Variants in GPC6 observed in about 807,000 individuals in gnomAD.
GPC6 encodes glypican 6, also known as glypican-6.
A neutral mutation model predicts 55.2 loss-of-function variants in GPC6; 14 were observed. The observed-to-expected ratio is 0.25, with a 90% CI of 0.17 to 0.40. GPC6 has a LOEUF of 0.40. Among genes scored for constraint, GPC6 ranks in the 10% least tolerant of loss-of-function variants. GPC6 has a pLI of 1.00. For missense variants in GPC6, 641 were observed against 708.5 expected (o/e 0.90, Z 1.08); for synonymous variants, 278 against 259.6 (o/e 1.07, Z -0.68).
intron 1 of GPC6, among the ~76,000 whole-genome samples, chr13:93,333,066 G>C (rs1246413055): frequency 6.6e-6 from 1 of 152,162 alleles, no homozygotes; most frequent in East Asian, 1.9e-4. Flanking sequence ...CTATGTGTCT[G>C]TTTTTATGCC....
At chr13:93,267,856 G>GA (rs1208525840) in intron 1 of GPC6, among the ~76,000 whole-genome samples, 2 of 152,152 alleles carry the variant, frequency 1.3e-5, no homozygotes, top group African/African-American at 2.4e-5. Flanking sequence ...AGATGAAAAA[G>GA]AAAAAATATG....
At chr13:94,144,889 A>G (rs1887507534) in intron 4 of GPC6, among the ~76,000 whole-genome samples, 1 of 152,180 alleles carries the variant, frequency 6.6e-6, no homozygotes, top group African/African-American at 2.4e-5. Context: ...ATTTAAATTT[A>G]TATAATGAAA....
intron 2 of GPC6, among the ~76,000 whole-genome samples, chr13:93,625,822 T>C (rs545406422): frequency 6.6e-6 from 1 of 152,192 alleles, no homozygotes; most frequent in African/African-American, 2.4e-5. Flanking sequence ...GGAGTTAGTA[T>C]ACTTTGACTT....
At chr13:93,289,163 C>T (rs540842724) in intron 1 of GPC6, among the ~76,000 whole-genome samples, 1 of 152,244 alleles carries the variant, frequency 6.6e-6, no homozygotes, top group East Asian at 1.9e-4. Flanking sequence ...GTAACTAATA[C>T]TGATGACTTT....
At chr13:94,320,460 G>C (rs985506478) in intron 6 of GPC6, among the ~76,000 whole-genome samples, 1 of 151,958 alleles carries the variant, frequency 6.6e-6, no homozygotes, top group Non-Finnish European at 1.5e-5. Flanking sequence ...TTTTGTGTGA[G>C]TTTATATTCC....
chr13:94,028,489 C>T (rs758516668), intron 4 of GPC6, among the ~76,000 whole-genome samples: 15 of 140,910 alleles, frequency 1.1e-4, no homozygotes, highest in Non-Finnish European at 2.0e-4. Context: ...TGAGAAAGGA[C>T]GCTTTAGAAA....
chr13:93,475,175 C>A (rs2139333816), intron 1 of GPC6, among the ~76,000 whole-genome samples: 1 of 152,126 alleles, frequency 6.6e-6, no homozygotes, highest in South Asian at 2.1e-4. Flanking sequence ...CACACACACA[C>A]ACACAAACAC....
intron 3 of GPC6, among the ~76,000 whole-genome samples, chr13:94,003,525 C>T (rs1398782199): frequency 6.6e-6 from 1 of 152,120 alleles, no homozygotes; most frequent in East Asian, 1.9e-4. Flanking sequence ...AATTTATCTC[C>T]TTAAAAGACA....
chr13:94,180,855 C>T lies in GPC6; in HGVS notation c.878-105494C>T, dbSNP rs142810793. On this transcript the variant is annotated intron_variant, in intron 4 of 8. Transcript: ENST00000377047. ...CAAGGTAACAGGTTTCCTGTGCATACGTGTGTATAAGAGAGACACACACAG... is the reference window on the plus strand; with the variant it reads ...CAAGGTAACAGGTTTCCTGTGCATATGTGTGTATAAGAGAGACACACACAG... 1.9e-3 allele frequency among the ~76,000 whole-genome samples: 290 copies of T among 150,850 alleles called. 1 individual carries two copies. The highest frequency in any genetic ancestry group is 6.7e-3 in the African/African-American group (276 of 40,958).
intron 3 of GPC6, among the ~76,000 whole-genome samples, chr13:93,931,394 A>C (rs553502971): frequency 7.9e-5 from 12 of 151,178 alleles, no homozygotes; most frequent in African/African-American, 2.9e-4. Context: ...TTCGGTTCCA[A>C]ATAGCATAGT....
chr13:93,552,681 T>C (rs1365782989), intron 2 of GPC6, among the ~76,000 whole-genome samples: 1 of 152,198 alleles, frequency 6.6e-6, no homozygotes, highest in African/African-American at 2.4e-5. Flanking sequence ...ATCATCTTAT[T>C]ATCACCAATT....
At chr13:93,790,030 A>T (rs541771184) in intron 2 of GPC6, among the ~76,000 whole-genome samples, 3 of 152,198 alleles carry the variant, frequency 2.0e-5, no homozygotes, top group African/African-American at 7.2e-5. Flanking sequence ...TCAATTGAAA[A>T]TGTGGCAACA....
intron 2 of GPC6, among the ~76,000 whole-genome samples, chr13:93,642,181 T>C (rs1879979753): frequency 6.6e-6 from 1 of 152,076 alleles, no homozygotes; most frequent in African/African-American, 2.4e-5. Context: ...ATCTATTGTT[T>C]CCCATCTTTA....
chr13:93,240,392 A>ATTAT (rs890348320), intron 1 of GPC6, among the ~76,000 whole-genome samples: 4 of 151,748 alleles, frequency 2.6e-5, no homozygotes, highest in African/African-American at 7.3e-5. Flanking sequence ...ATGTCTTTTT[A>ATTAT]TTATTTATTT....
intron 1 of GPC6, among the ~76,000 whole-genome samples, chr13:93,369,717 CG>C (rs977617542): frequency 2.6e-5 from 4 of 152,012 alleles, no homozygotes; most frequent in Non-Finnish European, 2.9e-5. Flanking sequence ...ACAGTTTAAA[CG>C]TTTTTTTGTC....
chr13:94,077,888 A>G (rs1884970989), intron 4 of GPC6, among the ~76,000 whole-genome samples: 1 of 151,794 alleles, frequency 6.6e-6, no homozygotes, highest in Non-Finnish European at 1.5e-5. Context: ...TTCACTGAGG[A>G]TTTTTATCAT....
intron 2 of GPC6, among the ~76,000 whole-genome samples, chr13:93,575,829 T>C (rs980974086): frequency 4.2e-4 from 64 of 152,318 alleles, no homozygotes; most frequent in African/African-American, 1.5e-3. Context: ...CTGTGGTGCA[T>C]GCTTCTTAAG....
intron 6 of GPC6, among the ~76,000 whole-genome samples, chr13:94,325,565 A>T (rs185024527): frequency 2.0e-5 from 3 of 152,352 alleles, no homozygotes; most frequent in Non-Finnish European, 2.9e-5. Context: ...GATGATTAGG[A>T]GTAAAAGCTA....
rs200687324 is a variant in GPC6, at chr13:93,535,684, GA to G, written c.161-9562del. On this transcript the variant is annotated intron_variant, in intron 1 of 8. Coordinates refer to ENST00000377047, the MANE Select transcript of GPC6 (RefSeq NM_005708.5). ...CCACCATTTGCAGATACTTTTTTAG[GA>G]AAAAAAAAAAAAAAAACCAAGCAGA... is the stretch of plus-strand genomic sequence containing the variant. 7.3e-3 allele frequency among the ~76,000 whole-genome samples: 880 copies of G among 120,734 alleles called. 2 individuals are homozygous for G. The highest frequency in any genetic ancestry group is 0.011 in the African/African-American group (365 of 33,534). The allele number at this position is 120,734 out of a possible 152,430, so 79.2% of individuals were successfully genotyped here. A position where few individuals can be genotyped will look rare whatever the true frequency, so the allele number is the denominator to read the frequency against.
Sources: allele counts gnomAD v4.1 joint callset (sites outside exome capture counted in the v4.1 genomes callset), GRCh38; gene constraint gnomAD v4.1.1; transcripts MANE v1.5; gene names NCBI Gene and HGNC (gene_info 2026-07-23, HGNC 2026-07-21).